The following IL1RAPL2 variants were observed in gnomAD, a reference collection of about 807,000 sequenced individuals.
The protein encoded by IL1RAPL2 is interleukin 1 receptor accessory protein like 2, also known as X-linked interleukin-1 receptor accessory protein-like 2.
A neutral mutation model predicts 44.1 loss-of-function variants in IL1RAPL2; 3 were observed. The ratio of observed to expected loss-of-function variants is 0.07; its 90% CI spans 0.03 to 0.18. The LOEUF is 0.18. IL1RAPL2 is among the 10% of genes least tolerant of loss of function. The probability of loss-of-function intolerance (pLI) is 1.00; values close to 1 mark genes in which losing one functional copy is unlikely to be tolerated. For missense variants in IL1RAPL2, 391 were observed against 496.4 expected (o/e 0.79, Z 2.02); for synonymous variants, 181 against 178.8 (o/e 1.01, Z -0.10).
intron 2 of IL1RAPL2, among the ~76,000 whole-genome samples, chrX:105,038,109 C>G (rs2147757292): frequency 9.0e-6 from 1 of 111,417 alleles, no homozygotes; most frequent in South Asian, 3.8e-4. Flanking sequence ...TGCACAAACT[C>G]TGCCCCTCAG....
intron 5 of IL1RAPL2, among the ~76,000 whole-genome samples, chrX:105,455,101 G>A (rs2036046044): frequency 9.0e-6 from 1 of 111,721 alleles, no homozygotes; most frequent in African/African-American, 3.3e-5. Context: ...TCAAAGCAAA[G>A]TAAATATATA....
chrX:105,074,846 T>G (rs899552677), intron 2 of IL1RAPL2, among the ~76,000 whole-genome samples: 1 of 109,731 alleles, frequency 9.1e-6, no homozygotes, highest in Non-Finnish European at 1.9e-5. Flanking sequence ...TCTGTTTGTC[T>G]GTTATTGGTG....
intron 6 of IL1RAPL2, among the ~76,000 whole-genome samples, chrX:105,654,804 A>C (rs929620502): frequency 8.9e-6 from 1 of 111,753 alleles, no homozygotes; most frequent in Non-Finnish European, 1.9e-5. Context: ...ACACACCACT[A>C]TGGCTTTCAG....
intron 6 of IL1RAPL2, among the ~76,000 whole-genome samples, chrX:105,516,183 A>G (rs970497942): frequency 2.0e-4 from 22 of 112,439 alleles, no homozygotes; most frequent in African/African-American, 5.5e-4. Context: ...GGTTTTCCCC[A>G]GCCAACCATG....
chrX:104,784,825 G>A (rs1932790427), intron 2 of IL1RAPL2, among the ~76,000 whole-genome samples: 1 of 108,839 alleles, frequency 9.2e-6, no homozygotes, highest in African/African-American at 3.3e-5. Context: ...TCTTATCCCT[G>A]AAGACCCCCA....
intron 2 of IL1RAPL2, among the ~76,000 whole-genome samples, chrX:104,891,278 G>A (rs766990562): frequency 4.5e-5 from 5 of 111,878 alleles, no homozygotes; most frequent in African/African-American, 9.7e-5. Flanking sequence ...TCTTGGAAAT[G>A]CGGGTTCTTT....
intron 2 of IL1RAPL2, among the ~76,000 whole-genome samples, chrX:104,891,749 A>T (rs1923448909): frequency 9.0e-6 from 1 of 111,703 alleles, no homozygotes; most frequent in Admixed American, 9.6e-5. Context: ...AACAAGAACA[A>T]CTTGACTTCC....
intron 3 of IL1RAPL2, among the ~76,000 whole-genome samples, chrX:105,205,570 A>G: frequency 1.2e-5 from 1 of 81,904 alleles, no homozygotes; most frequent in Non-Finnish European, 2.3e-5. Context: ...AGCCTCGGCG[A>G]CAGAGCAAGA....
intron 2 of IL1RAPL2, among the ~76,000 whole-genome samples, chrX:104,880,556 C>A (rs1923036575): frequency 9.0e-6 from 1 of 111,641 alleles, no homozygotes; most frequent in Non-Finnish European, 1.9e-5. Flanking sequence ...GCCTGTCCCC[C>A]AGATCCTTAC....
intron 6 of IL1RAPL2, among the ~76,000 whole-genome samples, chrX:105,590,352 A>G (rs962979782): frequency 5.5e-5 from 6 of 109,821 alleles, no homozygotes; most frequent in Admixed American, 9.7e-5. Context: ...CTCTTTTCCT[A>G]TTTGGATGCA....
At chrX:104,862,716 T>C (rs1805715752) in intron 2 of IL1RAPL2, among the ~76,000 whole-genome samples, 1 of 112,191 alleles carries the variant, frequency 8.9e-6, no homozygotes, top group African/African-American at 3.2e-5. Flanking sequence ...TTCCAAACTT[T>C]ATAAATGTTA....
rs1471277280 is a variant in IL1RAPL2, at chrX:105,766,988, A to G, written c.1388A>G (p.Tyr463Cys). Residue 463 changes from tyrosine (Y) to cysteine (C), a missense_variant, in exon 11 of 11, where the codon TAT becomes TGT. By Grantham distance (194) the Tyr-to-Cys change is radical (BLOSUM62 -2). Around this residue, in one of 2 missense-constraint regions of IL1RAPL2, gnomAD observed 232 missense variants for 244.8 expected, o/e 0.95. Transcript: ENST00000372582. ...GCATACATGGAAGATCTCACAAGAT[A>G]TGTTGAACAAAGCAGAAGACTTATT... ...SGTYMEDLTR[Y>C]VEQSRRLIIV... is the part of the protein sequence containing the mutation. 1 of 1,203,443 alleles carries G rather than the reference A, an allele frequency of 8.3e-7. No homozygotes were observed. The highest frequency in any genetic ancestry group is 1.1e-6 in the Non-Finnish European group (1 of 888,946).
At chrX:105,218,842 T>C (rs2033896718) in intron 3 of IL1RAPL2, 4 of 613,160 alleles carry the variant, frequency 6.5e-6, no homozygotes, top group Admixed American at 5.9e-5. Context: ...CTCACCTCCT[T>C]CCCCCACTCT....
chrX:104,761,857 CCTTCTCCTTCTCCTT>C (rs1569309739), intron 2 of IL1RAPL2, among the ~76,000 whole-genome samples: 1 of 36,631 alleles, frequency 2.7e-5, no homozygotes, highest in East Asian at 9.6e-4. Flanking sequence ...TTCTCCTTCT[CCTTCTCCTTCTCCTT>C]CTCCTTCTCC....
At chrX:105,095,233 C>A (rs138918044) in intron 2 of IL1RAPL2, among the ~76,000 whole-genome samples, 2,070 of 111,292 alleles carry the variant, frequency 0.019, 47 homozygotes, top group African/African-American at 0.063. Flanking sequence ...GTAAAAATTC[C>A]TGACTTTTTT....
intron 1 of IL1RAPL2, among the ~76,000 whole-genome samples, chrX:104,614,359 T>C (rs1328879402): frequency 1.8e-5 from 2 of 112,243 alleles, no homozygotes; most frequent in Non-Finnish European, 3.8e-5. Flanking sequence ...ATCTTCTTGA[T>C]ATTAATTTCC....
At chrX:105,665,475 T>C (rs2147849588) in intron 6 of IL1RAPL2, among the ~76,000 whole-genome samples, 1 of 110,628 alleles carries the variant, frequency 9.0e-6, no homozygotes, top group East Asian at 2.9e-4. Context: ...ACCTGTTACC[T>C]CTTTATGGAT....
intron 5 of IL1RAPL2, among the ~76,000 whole-genome samples, chrX:105,297,562 G>A (rs959775675): frequency 9.0e-6 from 1 of 110,706 alleles, no homozygotes; most frequent in African/African-American, 3.3e-5. Flanking sequence ...AAGAGAGCAA[G>A]TGAGAGTGGG....
chrX:105,118,091 T>C (rs1248567308), intron 2 of IL1RAPL2, among the ~76,000 whole-genome samples: 1 of 112,588 alleles, frequency 8.9e-6, no homozygotes, highest in Non-Finnish European at 1.9e-5. Flanking sequence ...TCAACAAATA[T>C]TCAAAGGGAA....
Sources: gnomAD v4.1 joint callset for allele counts (sites outside exome capture counted in the v4.1 genomes callset) on GRCh38, gnomAD v4.1.1 for gene constraint, gnomAD v4.1.1 regional missense constraint, MANE v1.5 for transcripts, NCBI Gene and HGNC (gene_info 2026-07-23, HGNC 2026-07-21) for gene names.